Variants in FBXL17 observed in about 807,000 individuals in gnomAD.
The protein encoded by FBXL17 is F-box and leucine rich repeat protein 17, also known as F-box/LRR-repeat protein 17.
A neutral mutation model predicts 66.2 loss-of-function variants in FBXL17; 22 were observed. The observed-to-expected ratio is 0.33, with a 90% CI of 0.24 to 0.47. FBXL17 has a LOEUF of 0.47. FBXL17 is among the 20% of genes least tolerant of loss of function. The pLI, the probability that FBXL17 is intolerant of heterozygous loss-of-function variation, is 1.00. For missense variants in FBXL17, 878 were observed against 948.2 expected, an observed-to-expected ratio of 0.93 and a Z score of 0.97; for synonymous variants, 474 against 400.5, an observed-to-expected ratio of 1.18 and a Z score of -2.19.
intron 6 of FBXL17, among the ~76,000 whole-genome samples, chr5:108,094,676 G>C (rs1299569641): frequency 6.6e-6 from 1 of 151,998 alleles, no homozygotes; most frequent in African/African-American, 2.4e-5. Flanking sequence ...TTTTGTAATT[G>C]AAAATAGATT....
At chr5:108,079,948 GC>G (rs1286842285) in intron 6 of FBXL17, among the ~76,000 whole-genome samples, 2 of 152,142 alleles carry the variant, frequency 1.3e-5, no homozygotes, top group Non-Finnish European at 2.9e-5. Flanking sequence ...TCAACCTAAT[GC>G]CCCCTAGAGC....
chr5:107,905,030 C>G (rs1303759477), intron 7 of FBXL17, among the ~76,000 whole-genome samples: 1 of 151,776 alleles, frequency 6.6e-6, no homozygotes, highest in Non-Finnish European at 1.5e-5. Context: ...CTGCTTCCAA[C>G]TCAAACAGGG....
chr5:108,107,577 C>G (rs1370296605), intron 6 of FBXL17, among the ~76,000 whole-genome samples: 1 of 151,946 alleles, frequency 6.6e-6, no homozygotes, highest in Non-Finnish European at 1.5e-5. Context: ...CTTTGGGAGG[C>G]CAAGGCGGGC....
chr5:108,039,172 A>G (rs766514382), intron 6 of FBXL17, among the ~76,000 whole-genome samples: 11 of 151,992 alleles, frequency 7.2e-5, no homozygotes, highest in Non-Finnish European at 1.5e-4. Context: ...TCCCTTGTTG[A>G]GTGCAAAGAT....
intron 4 of FBXL17, among the ~76,000 whole-genome samples, chr5:108,306,526 G>C (rs904452773): frequency 6.6e-6 from 1 of 152,116 alleles, no homozygotes; most frequent in Admixed American, 6.6e-5. Flanking sequence ...CTACCTTACA[G>C]AGATAGTGTG....
chr5:108,246,619 C>T (rs1756108909), intron 4 of FBXL17, among the ~76,000 whole-genome samples: 1 of 152,216 alleles, frequency 6.6e-6, no homozygotes, highest in Admixed American at 6.5e-5. Context: ...CCAACAGTCA[C>T]ATACTTAACC....
chr5:107,905,879 G>A (rs192945385), intron 7 of FBXL17, among the ~76,000 whole-genome samples: 2 of 152,216 alleles, frequency 1.3e-5, no homozygotes, highest in South Asian at 2.1e-4. Context: ...AGCCTCCTGT[G>A]GTAATTTGTG....
At chr5:108,289,452 G>A (rs953681071) in intron 4 of FBXL17, among the ~76,000 whole-genome samples, 23 of 152,168 alleles carry the variant, frequency 1.5e-4, no homozygotes, top group Non-Finnish European at 2.5e-4. Context: ...AGACCAATAT[G>A]TAAAGAAGTA....
chr5:108,252,442 T>A (rs1756398488), intron 4 of FBXL17, among the ~76,000 whole-genome samples: 1 of 152,118 alleles, frequency 6.6e-6, no homozygotes, highest in South Asian at 2.1e-4. Context: ...GACAAAATGC[T>A]ATGTTGTTTA....
At chr5:108,018,276 T>G (rs560656158) in intron 7 of FBXL17, among the ~76,000 whole-genome samples, 1 of 152,290 alleles carries the variant, frequency 6.6e-6, no homozygotes, top group South Asian at 2.1e-4. Flanking sequence ...AGAATATGTT[T>G]CTACTCGTCC....
intron 7 of FBXL17, among the ~76,000 whole-genome samples, chr5:107,967,888 C>G (rs1235315539): frequency 6.6e-6 from 1 of 151,842 alleles, no homozygotes; most frequent in Non-Finnish European, 1.5e-5. Context: ...TAAGGTGGGA[C>G]AAATAATTTT....
intron 6 of FBXL17, among the ~76,000 whole-genome samples, chr5:108,110,258 C>T (rs115556873): frequency 0.011 from 1,661 of 152,152 alleles, 40 homozygotes; most frequent in African/African-American, 0.038. Flanking sequence ...CTTATAAGAT[C>T]CTCTCTTCAA....
At chr5:108,114,282 A>G (rs1750153008) in intron 6 of FBXL17, among the ~76,000 whole-genome samples, 1 of 152,180 alleles carries the variant, frequency 6.6e-6, no homozygotes, top group Non-Finnish European at 1.5e-5. Flanking sequence ...GCTTACTCTT[A>G]AAGTACTTCT....
chr5:108,367,783 A>AT, intron 2 of FBXL17, 48 bp downstream of exon 2: 1 of 1,471,550 alleles, frequency 6.8e-7, no homozygotes, highest in Non-Finnish European at 9.1e-7. Context: ...GAATAAAGAT[A>AT]TTTTTTGAGT....
At chr5:108,259,269 T>C (rs180860807) in intron 4 of FBXL17, among the ~76,000 whole-genome samples, 3 of 152,298 alleles carry the variant, frequency 2.0e-5, no homozygotes, top group Non-Finnish European at 2.9e-5. Context: ...TGTCTATCGA[T>C]ATGGGATATG....
intron 6 of FBXL17, among the ~76,000 whole-genome samples, chr5:108,109,149 T>C (rs1749933115): frequency 6.6e-6 from 1 of 152,040 alleles, no homozygotes; most frequent in Non-Finnish European, 1.5e-5. Context: ...ATACCTGAGA[T>C]TTACAAAAGG....
At chr5:108,303,948 A>G (rs1758719004) in intron 4 of FBXL17, among the ~76,000 whole-genome samples, 1 of 151,962 alleles carries the variant, frequency 6.6e-6, no homozygotes. Flanking sequence ...AACTTTTAAG[A>G]GTATAATGGG....
chr5:107,861,893 G>C (rs777248813), intron 8 of FBXL17, 33 bp from the exon 9 acceptor site: 29 of 1,463,458 alleles, frequency 2.0e-5, no homozygotes, highest in Non-Finnish European at 2.6e-5. Flanking sequence ...ATCACGCACA[G>C]AGACCACCAA....
intron 6 of FBXL17, among the ~76,000 whole-genome samples, chr5:108,086,706 A>G (rs952177258): frequency 6.6e-5 from 10 of 151,996 alleles, no homozygotes; most frequent in Non-Finnish European, 1.5e-4. Flanking sequence ...TTACAGGCGC[A>G]TATGCCACCA....
Sources: allele counts gnomAD v4.1 joint callset (sites outside exome capture counted in the v4.1 genomes callset), GRCh38; gene constraint gnomAD v4.1.1; transcripts MANE v1.5; gene names NCBI Gene and HGNC (gene_info 2026-07-23, HGNC 2026-07-21).